Variants in DLG3 observed in about 807,000 individuals in gnomAD.
DLG3 encodes discs large MAGUK scaffold protein 3.
In DLG3, 1 loss-of-function variant was observed where a neutral mutation model predicts 64.1. The ratio of observed to expected loss-of-function variants is 0.02; its 90% CI spans 0.01 to 0.07. The LOEUF is 0.07. Ranked by LOEUF, DLG3 falls within the 10% of genes least tolerant of loss-of-function variation. DLG3 has a pLI of 1.00. For synonymous variants in DLG3, 245 were observed against 259.8 expected (o/e 0.94, Z 0.55); for missense variants, 429 against 669.5 (o/e 0.64, Z 3.96).
Position 70,445,092 on chromosome X carries a change from A to T in DLG3, c.-110A>T. On this transcript the variant is annotated 5_prime_UTR_variant, in exon 1 of 19. Coordinates refer to ENST00000374360, the MANE Select transcript of DLG3 (RefSeq NM_021120.4). ...GTGCCCCCCCCTTCTTGGTCCGAGC[A>T]GTGTGAGTGTGCCAGGGAGCCCGGC... 1.7e-6 allele frequency: 1 copy of T among 592,846 alleles called. No individual in the cohort carries two copies. Among genetic ancestry groups the T allele is most frequent in the Non-Finnish European group, 2.5e-6 (1 of 404,875 alleles). The allele number at this position is 592,846 out of a possible 1,213,427, so 48.9% of individuals were successfully genotyped here.
intron 12 of DLG3, chrX:70,493,243 C>T: frequency 1.9e-6 from 1 of 539,274 alleles, no homozygotes; most frequent in Admixed American, 3.1e-5. Flanking sequence ...CTCATAGACT[C>T]CATTTGTGAG....
intron 13 of DLG3, 94 bp downstream of exon 13, chrX:70,495,547 G>T (rs912653720): frequency 2.2e-4 from 188 of 856,735 alleles, no homozygotes; most frequent in Non-Finnish European, 3.0e-4. Context: ...GGTGAAGGGT[G>T]AGGGGAGGGC....
intron 6 of DLG3, 96 bp from the exon 7 acceptor site, chrX:70,451,771 T>C (rs1188518235): frequency 9.6e-7 from 1 of 1,043,431 alleles, no homozygotes; most frequent in African/African-American, 1.9e-5. Context: ...TGGTCTCTTT[T>C]GCATCTGAAG....
At chrX:70,486,650 C>CTTTTTT (rs371561978) in intron 10 of DLG3, among the ~76,000 whole-genome samples, 3 of 71,587 alleles carry the variant, frequency 4.2e-5, no homozygotes, top group Admixed American at 1.6e-4. Flanking sequence ...ATACCTTTTG[C>CTTTTTT]TTTTTTTTTT....
chrX:70,488,132 C>T (rs372473953), intron 10 of DLG3, among the ~76,000 whole-genome samples: 9 of 110,148 alleles, frequency 8.2e-5, no homozygotes, highest in African/African-American at 2.7e-4. Context: ...CTGCCTCAGC[C>T]TCCCGAGTAA....
chrX:70,502,212 A>G lies in DLG3; in HGVS notation c.2397A>G (p.Gln799=). ...AAGAGATTTATAACAAAATCAAACA[A>G]ATCATTGAGGACCAGTCTGGGCACT... ...SLEEIYNKIK[Q]IIEDQSGHYI... Residue 799 remains glutamine, a synonymous_variant, in exon 19 of 19, where the codon CAA becomes CAG. Transcript: ENST00000374360. The G allele has an allele frequency of 8.3e-7, 1 of 1,209,998 alleles. No individual in the cohort carries two copies. Among genetic ancestry groups the G allele is most frequent in the Non-Finnish European group, 1.1e-6 (1 of 894,581 alleles).
rs769338486 is a variant in DLG3, at chrX:70,467,959, G to A, written c.1406-11191G>A. On this transcript the variant is annotated intron_variant, in intron 9 of 18. Transcript: ENST00000374360. ...TTTACCCTGAGCTGCTGGGTGATCC[G>A]GAATAGGTGAGAAGGCAAGATCCTG... Among the ~76,000 whole-genome samples the A allele has an allele frequency of 1.7e-3, 185 of 112,034 alleles. 6 individuals carry two copies. Among genetic ancestry groups the A allele is most frequent in the Non-Finnish European group, 5.1e-4 (27 of 53,195 alleles).
chrX:70,492,623 G>T, intron 12 of DLG3, 27 bp downstream of exon 12: 1 of 1,172,255 alleles, frequency 8.5e-7, no homozygotes, highest in Non-Finnish European at 1.2e-6. Flanking sequence ...AAGGAAATCA[G>T]CCAGTAGGTA....
At chrX:70,479,322 C>T (rs1344191131) in intron 10 of DLG3, 58 bp downstream of exon 10, 3 of 893,962 alleles carry the variant, frequency 3.4e-6, no homozygotes, top group African/African-American at 3.9e-5. Context: ...TCCATGCCAA[C>T]CCAGCCCTTC....
At chrX:70,466,441 CTTT>C (rs373867454) in intron 9 of DLG3, among the ~76,000 whole-genome samples, 2 of 96,255 alleles carry the variant, frequency 2.1e-5, no homozygotes, top group African/African-American at 3.7e-5. Flanking sequence ...AGTTTGCTTT[CTTT>C]TTTTTTTTTT....
At chrX:70,447,896 T>C (rs1486577793) in intron 1 of DLG3, among the ~76,000 whole-genome samples, 2 of 111,992 alleles carry the variant, frequency 1.8e-5, no homozygotes, top group Non-Finnish European at 3.8e-5. Context: ...CCTTGCCTCT[T>C]CTTGCATGGC....
chrX:70,461,574 C>CT (rs66468617), intron 9 of DLG3, among the ~76,000 whole-genome samples: 250 of 100,889 alleles, frequency 2.5e-3, no homozygotes, highest in Non-Finnish European at 3.7e-3. Flanking sequence ...AGGGCCCCCC[C>CT]TTTTTTTTTT....
chrX:70,471,490 C>T (rs1370243988), intron 9 of DLG3, among the ~76,000 whole-genome samples: 7 of 110,214 alleles, frequency 6.4e-5, no homozygotes, highest in South Asian at 4.0e-4. Context: ...CCACCACGCC[C>T]GGCTAATTTT....
At chrX:70,492,405 G>T (rs186630995) in intron 11 of DLG3, 116 bp from the exon 12 acceptor site, 6 of 1,107,968 alleles carry the variant, frequency 5.4e-6, no homozygotes, top group Admixed American at 4.8e-5. Context: ...TGGTAGAGTC[G>T]GTACTCAACA....
intron 10 of DLG3, among the ~76,000 whole-genome samples, chrX:70,486,650 CTT>C (rs371561978): frequency 1.1e-4 from 8 of 71,570 alleles, no homozygotes; most frequent in Admixed American, 3.2e-4. Context: ...ATACCTTTTG[CTT>C]TTTTTTTTTT....
At chrX:70,455,207 G>T in intron 9 of DLG3, 1 of 754,524 alleles carries the variant, frequency 1.3e-6, no homozygotes. Flanking sequence ...GGGACGGAGG[G>T]ACTGGCCGGA....
intron 10 of DLG3, among the ~76,000 whole-genome samples, chrX:70,488,276 C>T (rs1307856016): frequency 8.9e-6 from 1 of 111,829 alleles, no homozygotes; most frequent in Non-Finnish European, 1.9e-5. Flanking sequence ...TCCCAAAGTG[C>T]TGGGATTACA....
chrX:70,454,666 G>T (rs1198695426), intron 9 of DLG3, among the ~76,000 whole-genome samples: 1 of 112,073 alleles, frequency 8.9e-6, no homozygotes. Flanking sequence ...TGGAAGAGGA[G>T]AGCAGCTCTT....
chrX:70,474,502 G>T (rs1444861414), intron 9 of DLG3, among the ~76,000 whole-genome samples: 2 of 110,440 alleles, frequency 1.8e-5, no homozygotes. Context: ...AGTAATGGGG[G>T]TTTGGCATGA....
Sources: allele counts gnomAD v4.1 joint callset (sites outside exome capture counted in the v4.1 genomes callset), GRCh38; gene constraint gnomAD v4.1.1; transcripts MANE v1.5; gene names NCBI Gene and HGNC (gene_info 2026-07-23, HGNC 2026-07-21).